The following COMMD10 variants were observed in gnomAD, a reference collection of about 807,000 sequenced individuals.
COMMD10 encodes the protein COMM domain-containing protein 10.
In COMMD10, 33 loss-of-function variants were observed where a neutral mutation model predicts 28.9. That is an observed-to-expected ratio of 1.14 (90% confidence interval 0.87 to 1.53). The LOEUF is 1.53. COMMD10 is among the 40% of genes most tolerant of loss of function. The probability of loss-of-function intolerance (pLI) is 0.00; values close to 1 mark genes in which losing one functional copy is unlikely to be tolerated. For synonymous variants in COMMD10, 110 were observed against 81.7 expected (o/e 1.35, Z -1.87); for missense variants, 310 against 233.4 (o/e 1.33, Z -2.14).
Position 116,292,724 on chromosome 5 carries a change from C to G in COMMD10, c.*235C>G. The G allele has an allele frequency of 2.4e-6, 1 of 417,418 alleles. No individual in the cohort carries two copies. 25.9% of individuals were successfully genotyped at this position (417,418 alleles called of 1,614,324 possible). ...ACAGTAATTATTAAGAACACTTTCC[C>G]TTTAAAGGAAACAAAAGTGAATACC... On this transcript the variant is annotated 3_prime_UTR_variant, in exon 7 of 7. Coordinates refer to ENST00000274458, the MANE Select transcript of COMMD10 (RefSeq NM_016144.4).
At chr5:116,242,003 T>G (rs1422463476) in intron 5 of COMMD10, among the ~76,000 whole-genome samples, 1 of 152,156 alleles carries the variant, frequency 6.6e-6, no homozygotes, top group Non-Finnish European at 1.5e-5. Flanking sequence ...GTTTCTGTCT[T>G]ACATTAAACA....
chr5:116,183,596 T>C (rs1176274996), intron 5 of COMMD10, among the ~76,000 whole-genome samples: 1 of 152,138 alleles, frequency 6.6e-6, no homozygotes, highest in Non-Finnish European at 1.5e-5. Flanking sequence ...CTTTGTGTTC[T>C]GAGAGAGTGC....
intron 5 of COMMD10, among the ~76,000 whole-genome samples, chr5:116,142,759 GT>G (rs1172802517): frequency 6.6e-6 from 1 of 151,610 alleles, no homozygotes; most frequent in African/African-American, 2.4e-5. Flanking sequence ...ACAAGCTTTT[GT>G]TATGTGTATT....
intron 5 of COMMD10, among the ~76,000 whole-genome samples, chr5:116,275,685 A>G (rs567067379): frequency 2.0e-5 from 3 of 151,882 alleles, no homozygotes; most frequent in African/African-American, 4.9e-5. Context: ...GCACCAGAAC[A>G]TATCTGATGG....
chr5:116,232,202 A>G (rs1749545518), intron 5 of COMMD10, among the ~76,000 whole-genome samples: 1 of 152,180 alleles, frequency 6.6e-6, no homozygotes, highest in East Asian at 1.9e-4. Flanking sequence ...TTATCCAGCC[A>G]CAAGTAAGCT....
At chr5:116,210,845 T>A (rs1350052026) in intron 5 of COMMD10, among the ~76,000 whole-genome samples, 1 of 152,104 alleles carries the variant, frequency 6.6e-6, no homozygotes, top group Non-Finnish European at 1.5e-5. Flanking sequence ...TTCTCTCACA[T>A]GGTACATTAA....
chr5:116,114,765 C>G (rs1293067375), intron 4 of COMMD10, among the ~76,000 whole-genome samples: 1 of 152,218 alleles, frequency 6.6e-6, no homozygotes, highest in Non-Finnish European at 1.5e-5. Context: ...CCTCTCATGT[C>G]TCAGTCCTGG....
chr5:116,197,645 G>T (rs900559892), intron 5 of COMMD10, among the ~76,000 whole-genome samples: 2 of 152,078 alleles, frequency 1.3e-5, no homozygotes, highest in African/African-American at 2.4e-5. Flanking sequence ...GCCTCCCTAC[G>T]TTCTGGGATT....
At chr5:116,134,012 T>G in intron 4 of COMMD10, 56 bp from the exon 5 acceptor site, 3 of 1,008,120 alleles carry the variant, frequency 3.0e-6, no homozygotes, top group Non-Finnish European at 4.8e-6. Flanking sequence ...TGCTTAAAGT[T>G]GACTGTTTTC....
At chr5:116,268,170 G>T (rs970120635) in intron 5 of COMMD10, among the ~76,000 whole-genome samples, 6 of 151,844 alleles carry the variant, frequency 4.0e-5, no homozygotes, top group Non-Finnish European at 8.8e-5. Context: ...GCAACCTACA[G>T]AATGGAAGAA....
At chr5:116,105,924 G>T (rs548071598) in intron 4 of COMMD10, among the ~76,000 whole-genome samples, 1 of 140,656 alleles carries the variant, frequency 7.1e-6, no homozygotes, top group Non-Finnish European at 1.5e-5. Flanking sequence ...TGGATTCATT[G>T]ATTTTTTTGA....
intron 4 of COMMD10, among the ~76,000 whole-genome samples, chr5:116,101,541 C>T (rs1750658745): frequency 6.6e-6 from 1 of 152,114 alleles, no homozygotes; most frequent in Admixed American, 6.5e-5. Context: ...TTTCTCCCAC[C>T]TCAGCCTCCT....
intron 5 of COMMD10, among the ~76,000 whole-genome samples, chr5:116,287,119 T>A (rs1042545467): frequency 2.6e-5 from 4 of 151,792 alleles, no homozygotes; most frequent in South Asian, 4.1e-4. Flanking sequence ...TTTTAAATAA[T>A]GTCATTTTGT....
chr5:116,279,254 G>A (rs961116238), intron 5 of COMMD10, among the ~76,000 whole-genome samples: 7 of 151,844 alleles, frequency 4.6e-5, no homozygotes, highest in African/African-American at 1.7e-4. Flanking sequence ...GAGTTTGGAA[G>A]TCTTGAATGC....
At chr5:116,218,001 A>G in intron 5 of COMMD10, 1 of 983,770 alleles carries the variant, frequency 1.0e-6, no homozygotes, top group South Asian at 1.3e-5. Context: ...AGAAGTACAC[A>G]GTTATCAAAA....
At chr5:116,099,755 G>C (rs1193572176) in intron 4 of COMMD10, among the ~76,000 whole-genome samples, 1 of 152,008 alleles carries the variant, frequency 6.6e-6, no homozygotes, top group African/African-American at 2.4e-5. Context: ...TTGGTGGGGA[G>C]AATGTCTGTT....
At chr5:116,162,511 A>AAT (rs1250979346) in intron 5 of COMMD10, among the ~76,000 whole-genome samples, 4 of 152,212 alleles carry the variant, frequency 2.6e-5, no homozygotes, top group African/African-American at 9.6e-5. Flanking sequence ...TGACTGTTTA[A>AAT]TAAGACTGCT....
intron 4 of COMMD10, among the ~76,000 whole-genome samples, chr5:116,098,155 A>G (rs1047014987): frequency 4.6e-5 from 7 of 152,198 alleles, no homozygotes; most frequent in African/African-American, 1.7e-4. Context: ...CTTTTATATC[A>G]TGCTACCTCT....
At chr5:116,273,525 G>T (rs1433097491) in intron 5 of COMMD10, among the ~76,000 whole-genome samples, 4 of 151,782 alleles carry the variant, frequency 2.6e-5, no homozygotes, top group Non-Finnish European at 5.9e-5. Flanking sequence ...AGGATATTTA[G>T]AAGTTTGTTT....
Sources: allele counts gnomAD v4.1 joint callset (sites outside exome capture counted in the v4.1 genomes callset), GRCh38; gene constraint gnomAD v4.1.1; transcripts MANE v1.5; gene names NCBI Gene and HGNC (gene_info 2026-07-23, HGNC 2026-07-21).